The following KIAA0930 variants were observed in gnomAD, a reference collection of about 807,000 sequenced individuals.
KIAA0930 encodes uncharacterized protein KIAA0930.
A neutral mutation model predicts 43.9 loss-of-function variants in KIAA0930; 24 were observed. The observed-to-expected ratio is 0.55, with a 90% CI of 0.40 to 0.77. The LOEUF (loss-of-function observed/expected upper bound fraction) is 0.77. KIAA0930 is among the 30% of genes least tolerant of loss of function. The probability of loss-of-function intolerance (pLI) is 0.00; values close to 1 mark genes in which losing one functional copy is unlikely to be tolerated. For synonymous variants in KIAA0930, 259 were observed against 216.4 expected, an observed-to-expected ratio of 1.20 and a Z score of -1.73; for missense variants, 461 against 574.2, an observed-to-expected ratio of 0.80 and a Z score of 2.02.
chr22:45,225,026 A>G (rs2083790138), intron 1 of KIAA0930, among the ~76,000 whole-genome samples: 1 of 152,104 alleles, frequency 6.6e-6, no homozygotes. Flanking sequence ...TCTCCAGAGA[A>G]CACCGGGCTC....
In KIAA0930 at chr22:45,194,717, G is replaced by C. The variant is rs977125052; in HGVS notation, c.*2459C>G. 3 of 152,214 alleles carry C rather than the reference G, an allele frequency of 2.0e-5. No homozygotes were observed. The highest frequency in any genetic ancestry group is 6.5e-5 in the Admixed American group (1 of 15,282). The allele number at this position is 152,214 out of a possible 1,614,324, so 9.4% of individuals were successfully genotyped here. A position where few individuals can be genotyped will look rare whatever the true frequency, so the allele number is the denominator to read the frequency against. On this transcript the variant is annotated 3_prime_UTR_variant, in exon 10 of 10. Coordinates refer to ENST00000336156, the MANE Select transcript of KIAA0930 (RefSeq NM_001009880.2). ...GGTTCTCAAGTGGCTAAGTGGCTCT[G>C]AGCAAGTTTTAAATCCGGCATCGCA... is the stretch of plus-strand genomic sequence containing the variant.
At chr22:45,211,011 C>T (rs895034796) in intron 2 of KIAA0930, among the ~76,000 whole-genome samples, 3 of 152,182 alleles carry the variant, frequency 2.0e-5, no homozygotes, top group African/African-American at 7.2e-5. Flanking sequence ...GCTGGTCCCT[C>T]CAAAGTGGGG....
chr22:45,205,934 T>C, intron 2 of KIAA0930, 22 bp from the exon 3 acceptor site: 2 of 1,611,014 alleles, frequency 1.2e-6, no homozygotes. Flanking sequence ...AGAGCAGAAG[T>C]GAGTGCCCAG....
At chr22:45,208,249 G>A (rs2083656568) in intron 2 of KIAA0930, among the ~76,000 whole-genome samples, 1 of 151,610 alleles carries the variant, frequency 6.6e-6, no homozygotes, top group Non-Finnish European at 1.5e-5. Context: ...ATGACATGCG[G>A]AGAAAGAAGC....
chr22:45,223,232 CTCTA>C (rs1478174316), intron 1 of KIAA0930, among the ~76,000 whole-genome samples: 1 of 152,236 alleles, frequency 6.6e-6, no homozygotes, highest in African/African-American at 2.4e-5. Context: ...ATTGAAGCAA[CTCTA>C]TCTGTTCCAA....
chr22:45,226,739 C>T (rs1030378140), intron 1 of KIAA0930: 1 of 160,226 alleles, frequency 6.2e-6, no homozygotes, highest in African/African-American at 2.4e-5. Flanking sequence ...GACCGACCGA[C>T]CACTTCCTGA....
rs550468854 is a variant in KIAA0930 at position 45,226,673 on chromosome 22, C to T, written c.64+13967G>A. On this transcript the variant is annotated intron_variant, in intron 1 of 9. Coordinates refer to ENST00000336156, the MANE Select transcript of KIAA0930 (RefSeq NM_001009880.2). ...CCTCACAGGGGCCTTATCCAAGATC[C>T]TAACTCACTGCTCTGCTCAGACACA... is the stretch of plus-strand genomic sequence containing the variant. 2.8e-5 allele frequency: 6 copies of T among 211,690 alleles called. 1 individual carries two copies. In the South Asian group the frequency reaches 4.0e-4, roughly 14 times the overall value. The allele number at this position is 211,690 out of a possible 1,614,324, so 13.1% of individuals were successfully genotyped here.
At chr22:45,237,464 A>C (rs572781553) in intron 1 of KIAA0930, among the ~76,000 whole-genome samples, 1 of 152,330 alleles carries the variant, frequency 6.6e-6, no homozygotes, top group Admixed American at 6.5e-5. Context: ...GGTGCCTTTC[A>C]TCACGAGAGC....
At chr22:45,235,925 C>G (rs1259516102) in intron 1 of KIAA0930, among the ~76,000 whole-genome samples, 1 of 152,222 alleles carries the variant, frequency 6.6e-6, no homozygotes, top group Admixed American at 6.5e-5. Flanking sequence ...CCTGGCCTAG[C>G]AAAGTGATGG....
chr22:45,214,562 G>A (rs1002880460), intron 1 of KIAA0930, among the ~76,000 whole-genome samples: 1 of 152,174 alleles, frequency 6.6e-6, no homozygotes, highest in South Asian at 2.1e-4. Flanking sequence ...GCCCTGAAAG[G>A]TTCTAGATCT....
At chr22:45,220,009 C>A (rs973907596) in intron 1 of KIAA0930, among the ~76,000 whole-genome samples, 1 of 152,054 alleles carries the variant, frequency 6.6e-6, no homozygotes, top group Non-Finnish European at 1.5e-5. Context: ...CACAAGGAGG[C>A]ACAGTATTGA....
rs111423721 is a variant in KIAA0930 at position 45,198,783 on chromosome 22, G to A, written c.1016-835C>T. 5.1e-3 allele frequency among the ~76,000 whole-genome samples: 769 copies of A among 152,220 alleles called. 6 individuals carry two copies. The highest frequency in any genetic ancestry group is 0.016 in the African/African-American group (671 of 41,524). The stretch of plus-strand genomic sequence containing the variant: ...TCCTGCCTCAGCCTCCTGAGTAGCT[G>A]GGATTACAGGCGCCCACCACCATGC... On this transcript the variant is annotated intron_variant, in intron 8 of 9. Transcript: ENST00000336156.
At chr22:45,221,368 A>C (rs1253397507) in intron 1 of KIAA0930, among the ~76,000 whole-genome samples, 1 of 152,236 alleles carries the variant, frequency 6.6e-6, no homozygotes, top group Non-Finnish European at 1.5e-5. Context: ...GCGATATGTA[A>C]GGAAATGGAC....
At chr22:45,214,114 T>C (rs1054182053) in intron 1 of KIAA0930, among the ~76,000 whole-genome samples, 1 of 151,894 alleles carries the variant, frequency 6.6e-6, no homozygotes, top group Admixed American at 6.5e-5. Flanking sequence ...GAGGCAGAGG[T>C]TGCAGTGAAC....
chr22:45,240,478 G>C (rs533151713), intron 1 of KIAA0930, among the ~76,000 whole-genome samples, 162 bp downstream of exon 1: 4 of 152,176 alleles, frequency 2.6e-5, no homozygotes, highest in South Asian at 2.1e-4. Context: ...GGACGGTGGG[G>C]GGGGGGCCAT....
chr22:45,219,579 A>T (rs1019182978), intron 1 of KIAA0930, among the ~76,000 whole-genome samples: 17 of 107,492 alleles, frequency 1.6e-4, no homozygotes, highest in African/African-American at 4.7e-4. Flanking sequence ...CCAAGAGGTG[A>T]TTGTTTTTTT....
intron 3 of KIAA0930, 23 bp downstream of exon 3, chr22:45,205,770 G>GCGCCCCC: frequency 2.0e-6 from 3 of 1,523,784 alleles, no homozygotes; most frequent in Non-Finnish European, 1.8e-6. Flanking sequence ...CCAATCCGCA[G>GCGCCCCC]CCCCACCCAT....
At chr22:45,237,149 C>T (rs1467848682) in intron 1 of KIAA0930, among the ~76,000 whole-genome samples, 3 of 152,266 alleles carry the variant, frequency 2.0e-5, no homozygotes, top group East Asian at 1.9e-4. Flanking sequence ...ATGTCTGCAT[C>T]GCACACCTGG....
chr22:45,211,187 G>A, intron 2 of KIAA0930: 1 of 378,808 alleles, frequency 2.6e-6, no homozygotes, highest in Non-Finnish European at 4.7e-6. Flanking sequence ...GAGTTACAGA[G>A]CCAGGCAGGC....
Sources: gnomAD v4.1 joint callset for allele counts (sites outside exome capture counted in the v4.1 genomes callset) on GRCh38, gnomAD v4.1.1 for gene constraint, MANE v1.5 for transcripts, NCBI Gene and HGNC (gene_info 2026-07-23, HGNC 2026-07-21) for gene names.